CLEC16A: variants seen among roughly 807,000 people sequenced by gnomAD.
The protein encoded by CLEC16A is protein CLEC16A.
Under a neutral mutation model 109.5 loss-of-function variants are expected in CLEC16A, and 51 were observed. The ratio of observed to expected loss-of-function variants is 0.47; its 90% CI spans 0.37 to 0.59. CLEC16A has a LOEUF of 0.59. Ranked by LOEUF, CLEC16A falls within the 20% of genes least tolerant of loss-of-function variation. CLEC16A has a pLI of 0.00. For missense variants in CLEC16A, 1,339 were observed against 1,394.0 expected (o/e 0.96, Z 0.63); for synonymous variants, 673 against 564.2 (o/e 1.19, Z -2.73).
intron 11 of CLEC16A, among the ~76,000 whole-genome samples, chr16:11,017,239 A>G (rs2045814246): frequency 6.6e-6 from 1 of 152,188 alleles, no homozygotes; most frequent in Non-Finnish European, 1.5e-5. Context: ...TCGCTCATTT[A>G]TCACTTCAAG....
chr16:11,104,385 C>T (rs1469379511), intron 19 of CLEC16A, among the ~76,000 whole-genome samples: 1 of 152,124 alleles, frequency 6.6e-6, no homozygotes, highest in Non-Finnish European at 1.5e-5. Flanking sequence ...ACCTCAGCCT[C>T]CCAAAGGATG....
At chr16:11,021,568 G>T (rs572240246) in intron 12 of CLEC16A, among the ~76,000 whole-genome samples, 7 of 152,164 alleles carry the variant, frequency 4.6e-5, no homozygotes, top group Non-Finnish European at 7.3e-5. Flanking sequence ...GAGGCCAAGG[G>T]GGGAGGATCA....
chr16:11,112,605 C>T (rs113548345), intron 19 of CLEC16A, among the ~76,000 whole-genome samples: 4,264 of 152,060 alleles, frequency 0.028, 209 homozygotes, highest in African/African-American at 0.098. Context: ...TTTGAGGCTG[C>T]GGTAAGCAAT....
intron 11 of CLEC16A, among the ~76,000 whole-genome samples, chr16:11,015,144 A>C (rs1024909938): frequency 2.0e-5 from 3 of 152,202 alleles, no homozygotes; most frequent in Non-Finnish European, 4.4e-5. Context: ...TTTCCTTGAC[A>C]TTTGAAGATC....
intron 19 of CLEC16A, among the ~76,000 whole-genome samples, chr16:11,111,857 C>T (rs1407697067): frequency 6.6e-6 from 1 of 152,210 alleles, no homozygotes; most frequent in Non-Finnish European, 1.5e-5. Flanking sequence ...AAGTTTCCTT[C>T]TGAAATTTAT....
chr16:11,141,569 C>T (rs1163431356), intron 22 of CLEC16A, among the ~76,000 whole-genome samples: 1 of 152,172 alleles, frequency 6.6e-6, no homozygotes, highest in African/African-American at 2.4e-5. Flanking sequence ...TGGGTGGCCT[C>T]GGGGCCGCGA....
intron 11 of CLEC16A, among the ~76,000 whole-genome samples, chr16:11,012,825 A>G (rs1390440355): frequency 6.6e-6 from 1 of 152,154 alleles, no homozygotes; most frequent in Admixed American, 6.6e-5. Context: ...ATACCACATC[A>G]TTTATTGTCA....
At chr16:11,169,855 G>A (rs1359690748) in intron 23 of CLEC16A, among the ~76,000 whole-genome samples, 1 of 152,208 alleles carries the variant, frequency 6.6e-6, no homozygotes, top group African/African-American at 2.4e-5. Context: ...TGGCGTCCCA[G>A]TAGATACTCC....
chr16:11,146,780 G>GGGAT (rs2054077244), intron 22 of CLEC16A, among the ~76,000 whole-genome samples: 1 of 151,848 alleles, frequency 6.6e-6, no homozygotes, highest in Admixed American at 6.6e-5. Flanking sequence ...GAGGGAGAGA[G>GGGAT]GGATGGATGG....
chr16:11,159,943 T>C (rs971115090), intron 22 of CLEC16A, among the ~76,000 whole-genome samples: 1 of 152,206 alleles, frequency 6.6e-6, no homozygotes, highest in African/African-American at 2.4e-5. Context: ...ACAGGTAGTA[T>C]GTAAGGGCAT....
chr16:11,099,205 G>A (rs117427758), intron 19 of CLEC16A, among the ~76,000 whole-genome samples: 1 of 152,226 alleles, frequency 6.6e-6, no homozygotes, highest in Admixed American at 6.5e-5. Flanking sequence ...TGCCAGGACA[G>A]GTCATTCTCA....
At chr16:10,970,196 A>T (rs1451489585) in intron 4 of CLEC16A, among the ~76,000 whole-genome samples, 2 of 152,154 alleles carry the variant, frequency 1.3e-5, no homozygotes, top group Non-Finnish European at 2.9e-5. Flanking sequence ...TGCTGACTAT[A>T]CAGCTGGCAT....
At chr16:11,113,577 C>G (rs191349346) in intron 19 of CLEC16A, among the ~76,000 whole-genome samples, 1 of 152,008 alleles carries the variant, frequency 6.6e-6, no homozygotes, top group African/African-American at 2.4e-5. Context: ...GAGGATCACT[C>G]GAGCCTGTGA....
At chr16:11,129,301 A>G (rs2153043218) in intron 22 of CLEC16A, among the ~76,000 whole-genome samples, 1 of 152,376 alleles carries the variant, frequency 6.6e-6, no homozygotes, top group East Asian at 1.9e-4. Context: ...CATTGCATAT[A>G]TGCATAACTA....
chr16:11,011,058 C>A (rs2045381603), intron 11 of CLEC16A, among the ~76,000 whole-genome samples: 1 of 152,210 alleles, frequency 6.6e-6, no homozygotes, highest in African/African-American at 2.4e-5. Context: ...GTTTTGGTCA[C>A]ATGACTAAGG....
intron 22 of CLEC16A, among the ~76,000 whole-genome samples, chr16:11,156,073 C>A (rs952137037): frequency 2.0e-5 from 3 of 152,044 alleles, no homozygotes; most frequent in Non-Finnish European, 4.4e-5. Flanking sequence ...AAGAATCTGG[C>A]GCTCCTGGCC....
At chr16:10,966,415 T>G (rs1331928575) in intron 3 of CLEC16A, among the ~76,000 whole-genome samples, 1 of 152,148 alleles carries the variant, frequency 6.6e-6, no homozygotes, top group Non-Finnish European at 1.5e-5. Context: ...GGGTACTGAC[T>G]GGGCAGGGGC....
intron 10 of CLEC16A, among the ~76,000 whole-genome samples, chr16:10,996,618 G>C (rs1055309063): frequency 6.6e-6 from 1 of 152,118 alleles, no homozygotes; most frequent in Non-Finnish European, 1.5e-5. Context: ...CAGCCCTGGC[G>C]CATTTTCCCT....
chr16:11,115,120 C>G (rs2051888358), intron 19 of CLEC16A, among the ~76,000 whole-genome samples: 1 of 152,154 alleles, frequency 6.6e-6, no homozygotes, highest in Non-Finnish European at 1.5e-5. Context: ...GTCGCACTGC[C>G]TGGGACAAAC....
Sources: gnomAD v4.1 joint callset for allele counts (sites outside exome capture counted in the v4.1 genomes callset) on GRCh38, gnomAD v4.1.1 for gene constraint, MANE v1.5 for transcripts, NCBI Gene and HGNC (gene_info 2026-07-23, HGNC 2026-07-21) for gene names.